ENKUR: variants seen among roughly 807,000 people sequenced by gnomAD.
ENKUR encodes the protein enkurin.
In ENKUR, 19 loss-of-function variants were observed where a neutral mutation model predicts 27.6. The ratio of observed to expected loss-of-function variants is 0.69; its 90% confidence interval spans 0.48 to 1.01. ENKUR has a LOEUF of 1.01. Ranked by LOEUF, ENKUR falls within the 50% of genes least tolerant of loss-of-function variation. The probability of loss-of-function intolerance (pLI) is 0.00; values close to 1 mark genes in which losing one functional copy is unlikely to be tolerated. For missense variants in ENKUR, 312 were observed against 310.5 expected (o/e 1.00, Z -0.04); for synonymous variants, 117 against 96.9 (o/e 1.21, Z -1.22).
intron 2 of ENKUR, among the ~76,000 whole-genome samples, chr10:25,043,528 C>T (rs1851087062): frequency 6.6e-6 from 1 of 151,860 alleles, no homozygotes; most frequent in African/African-American, 2.4e-5. Flanking sequence ...CTCTCTTTGT[C>T]TTTACTTTTT....
intron 3 of ENKUR, among the ~76,000 whole-genome samples, chr10:24,991,361 CAA>C (rs761646045): frequency 6.6e-6 from 1 of 152,036 alleles, no homozygotes; most frequent in African/African-American, 2.4e-5. Flanking sequence ...AAAGAAAAGA[CAA>C]AGTCTTTGAA....
chr10:25,061,570 C>A (rs1014532141), intron 1 of ENKUR, among the ~76,000 whole-genome samples: 1 of 152,206 alleles, frequency 6.6e-6, no homozygotes, highest in Admixed American at 6.5e-5. Flanking sequence ...ATAACCAGAG[C>A]AGCTAGGTGA....
intron 1 of ENKUR, chr10:25,062,086 A>G (rs573550289): frequency 1.3e-5 from 2 of 152,322 alleles, no homozygotes; most frequent in African/African-American, 4.8e-5. Flanking sequence ...GACATTTCTA[A>G]CAGCTTGATG....
chr10:25,016,642 C>G (rs1317797912), upstream of ENKUR: 1 of 152,480 alleles, frequency 6.6e-6, no homozygotes, highest in Admixed American at 6.5e-5. Flanking sequence ...CCGCCGCAGG[C>G]ACAGGCGCAG....
chr10:24,995,380 T>C (rs1417478468), intron 3 of ENKUR, among the ~76,000 whole-genome samples: 1 of 152,226 alleles, frequency 6.6e-6, no homozygotes, highest in Non-Finnish European at 1.5e-5. Context: ...AGAATGTTTA[T>C]TAAAATTGTT....
intron 1 of ENKUR, among the ~76,000 whole-genome samples, chr10:25,015,130 G>A (rs1398719534): frequency 6.6e-6 from 1 of 152,168 alleles, no homozygotes. Context: ...GCTCCCCACA[G>A]ATTTAAGTAA....
chr10:25,033,861 ATCT>A (rs1191876250), intron 2 of ENKUR, among the ~76,000 whole-genome samples: 38 of 138,650 alleles, frequency 2.7e-4, no homozygotes, highest in African/African-American at 9.7e-4. Flanking sequence ...CTATCTATCT[ATCT>A]ATCAATCATC....
chr10:25,014,293 T>C (rs1013707277), intron 1 of ENKUR, among the ~76,000 whole-genome samples: 7 of 152,184 alleles, frequency 4.6e-5, no homozygotes, highest in Admixed American at 1.3e-4. Context: ...CCAGTGTAAA[T>C]TGACTTTAAC....
In ENKUR at chr10:24,999,531, A is replaced by G. The variant is rs761334187; in HGVS notation, c.93T>C (p.Phe31=). The G allele has an allele frequency of 3.7e-6, 6 of 1,609,058 alleles. No homozygotes were observed. The highest frequency in any genetic ancestry group is 5.1e-6 in the Non-Finnish European group (6 of 1,178,466). The change falls in exon 2 of 6, where the codon TTT becomes TTC. Residue 31 remains phenylalanine (F), a synonymous_variant. Coordinates refer to ENST00000331161, the MANE Select transcript of ENKUR (RefSeq NM_145010.4). The stretch of plus-strand genomic sequence containing the variant: ...GCATGTCATCTTTTACAGTTGCCTT[A>G]AAAATGGATATGTACCTAAAATTGA... ...PPQPPRYISI[F]KATVKDDMQK...
chr10:25,053,245 A>G (rs1283338525), intron 2 of ENKUR, among the ~76,000 whole-genome samples: 1 of 152,202 alleles, frequency 6.6e-6, no homozygotes, highest in African/African-American at 2.4e-5. Flanking sequence ...GGAATGGTAA[A>G]ATCAAGCGAA....
chr10:25,009,400 A>T (rs2132716306), intron 1 of ENKUR, among the ~76,000 whole-genome samples: 1 of 152,354 alleles, frequency 6.6e-6, no homozygotes, highest in East Asian at 1.9e-4. Flanking sequence ...CACAAATGAA[A>T]ATCAATTAAA....
At chr10:25,005,205 G>A (rs1193794388) in intron 1 of ENKUR, among the ~76,000 whole-genome samples, 2 of 151,932 alleles carry the variant, frequency 1.3e-5, no homozygotes, top group Non-Finnish European at 2.9e-5. Flanking sequence ...TGGATAATTG[G>A]CTCTATTTTC....
At chr10:25,002,992 TAG>T (rs1266767187) in intron 1 of ENKUR, among the ~76,000 whole-genome samples, 1 of 152,052 alleles carries the variant, frequency 6.6e-6, no homozygotes, top group Non-Finnish European at 1.5e-5. Context: ...TATTTTTGTG[TAG>T]GTATATGAAC....
chr10:25,015,870 G>T lies in ENKUR; in HGVS notation c.67C>A (p.Gln23Lys). The change falls in exon 1 of 6, where the codon CAG (glutamine) becomes AAG (lysine). Residue 23 changes from glutamine to lysine, a missense_variant. Transcript: ENST00000331161. ...LIPSDLKEPP[Q>K]PPRYISIFKA... Reference sequence around the variant, plus strand: ...TGCTTATCCACATACCTAGGAGGCTGGGGAGGCTCCTTCAAGTCACTGGGT... The same window carrying T: ...TGCTTATCCACATACCTAGGAGGCTTGGGAGGCTCCTTCAAGTCACTGGGT... The T allele has an allele frequency of 6.2e-7, 1 of 1,605,622 alleles. No individual in the cohort carries two copies. Among genetic ancestry groups the T allele is most frequent in the Non-Finnish European group, 8.5e-7 (1 of 1,175,762 alleles).
chr10:25,020,238 A>ATATATCTATCTATATC (rs1554772124), upstream of ENKUR, among the ~76,000 whole-genome samples: 8 of 126,634 alleles, frequency 6.3e-5, no homozygotes, highest in African/African-American at 1.8e-4. Context: ...TTTCTTTAAA[A>ATATATCTATCTATATC]TATATCTATA....
At chr10:25,055,330 TAA>T (rs761014079) in intron 2 of ENKUR, among the ~76,000 whole-genome samples, 2 of 139,968 alleles carry the variant, frequency 1.4e-5, no homozygotes, top group African/African-American at 2.6e-5. Flanking sequence ...AGGCCACTTC[TAA>T]AAAAAAAAAA....
At chr10:25,029,328 G>A (rs1850907161) in intron 2 of ENKUR, among the ~76,000 whole-genome samples, 1 of 152,156 alleles carries the variant, frequency 6.6e-6, no homozygotes, top group South Asian at 2.1e-4. Flanking sequence ...TAGGGAATTT[G>A]TAAGATATTT....
At chr10:24,993,583 T>C (rs1420333703) in intron 3 of ENKUR, among the ~76,000 whole-genome samples, 1 of 152,248 alleles carries the variant, frequency 6.6e-6, no homozygotes, top group Non-Finnish European at 1.5e-5. Flanking sequence ...AAATATGACA[T>C]TGACTTTAAA....
At chr10:25,003,479 T>A (rs1373266298) in intron 1 of ENKUR, among the ~76,000 whole-genome samples, 6 of 152,228 alleles carry the variant, frequency 3.9e-5, no homozygotes, top group Admixed American at 2.0e-4. Flanking sequence ...AGTGCTGGGA[T>A]AACAGATGTG....
Sources: allele counts gnomAD v4.1 joint callset (sites outside exome capture counted in the v4.1 genomes callset), GRCh38; gene constraint gnomAD v4.1.1; transcripts MANE v1.5; gene names NCBI Gene and HGNC (gene_info 2026-07-23, HGNC 2026-07-21).